Variants in BCLAF1 observed in about 807,000 individuals in gnomAD.
The protein encoded by BCLAF1 is BCL2 associated transcription factor 1, also known as bcl-2-associated transcription factor 1.
Under a neutral mutation model 99.5 loss-of-function variants are expected in BCLAF1, and 10 were observed. The observed-to-expected ratio is 0.10, with a 90% confidence interval of 0.06 to 0.17. The LOEUF (loss-of-function observed/expected upper bound fraction) is 0.17. Among genes scored for constraint, BCLAF1 ranks in the 10% least tolerant of loss-of-function variants. The pLI, the probability that BCLAF1 is intolerant of heterozygous loss-of-function variation, is 1.00. For synonymous variants in BCLAF1, 255 were observed against 370.9 expected (o/e 0.69, Z 3.59); for missense variants, 636 against 1,105.8 (o/e 0.58, Z 6.02).
rs1256394894 is a variant in BCLAF1, at chr6:136,264,412, G to A, written c.2544+2617C>T. 2.6e-5 allele frequency among the ~76,000 whole-genome samples: 4 copies of A among 152,004 alleles called. No homozygotes were observed. The East Asian group carries it at 7.7e-4, about 29-fold the overall frequency. ...TGTAGAGACAGGGTTTCAACATGTT[G>A]GCCAGGCTGTTCTTGAACTCCTGAC... On this transcript the variant is annotated intron_variant, in intron 11 of 12. Coordinates refer to ENST00000531224, the MANE Select transcript of BCLAF1 (RefSeq NM_014739.3).
Position 136,261,571 on chromosome 6 carries a change from T to C in BCLAF1, c.2545-94A>G, listed in dbSNP as rs374040280. 7.9e-5 allele frequency: 103 copies of C among 1,298,914 alleles called. 1 individual carries two copies. Among genetic ancestry groups the C allele is most frequent in the East Asian group, 3.2e-4 (14 of 43,186 alleles). 80.5% of individuals were successfully genotyped at this position (1,298,914 alleles called of 1,614,324 possible). ...AATCACAGTATTAATCTTCTGAAGA[T>C]TGGGTATATGAGATTGGTAATATTC... On this transcript the variant is annotated intron_variant, in intron 11 of 12. Transcript: ENST00000531224.
Position 136,258,103 on chromosome 6 carries a change from T to C in BCLAF1, c.*3007A>G, listed in dbSNP as rs1221490324. The C allele has an allele frequency of 6.6e-6, 1 of 152,110 alleles. No individual in the cohort carries two copies. The allele number at this position is 152,110 out of a possible 1,614,324, so 9.4% of individuals were successfully genotyped here. ...GTGTCAGTTTGTCTTAGTACACAAA[T>C]TTCTGTGAAAATGCTTTGTTAAAAC... On this transcript the variant is annotated 3_prime_UTR_variant, in exon 13 of 13. Transcript: ENST00000531224.
intron 9 of BCLAF1, 32 bp from the exon 10 acceptor site, chr6:136,268,371 C>G: frequency 6.4e-7 from 1 of 1,552,990 alleles, no homozygotes; most frequent in Non-Finnish European, 8.7e-7. Context: ...AAATGTGATA[C>G]TTTTAAAAAG....
chr6:136,267,442 T>C (rs1053365705), intron 10 of BCLAF1, among the ~76,000 whole-genome samples: 9 of 151,980 alleles, frequency 5.9e-5, no homozygotes, highest in Non-Finnish European at 8.8e-5. Context: ...AATAATCAAG[T>C]TGTTTTTCCT....
At chr6:136,281,498 A>T (rs1490029088) in intron 2 of BCLAF1, among the ~76,000 whole-genome samples, 1 of 152,200 alleles carries the variant, frequency 6.6e-6, no homozygotes, top group Non-Finnish European at 1.5e-5. Context: ...TTTTTAAAAG[A>T]ATATAAATAC....
chr6:136,273,254 G>C (rs1480112574), intron 6 of BCLAF1, 67 bp from the exon 7 acceptor site: 54 of 1,345,504 alleles, frequency 4.0e-5, no homozygotes, highest in Non-Finnish European at 5.7e-5. Flanking sequence ...GTTTGTGACA[G>C]AAGGGCATGT....
Position 136,257,320 on chromosome 6 carries a change from A to C in BCLAF1, c.*3790T>G, listed in dbSNP as rs1029605318. The C allele has an allele frequency of 1.3e-5, 2 of 152,172 alleles. No individual in the cohort carries two copies. Among genetic ancestry groups the C allele is most frequent in the African/African-American group, 4.8e-5 (2 of 41,456 alleles). The allele number at this position is 152,172 out of a possible 1,614,324, so 9.4% of individuals were successfully genotyped here. On this transcript the variant is annotated 3_prime_UTR_variant, in exon 13 of 13. Transcript: ENST00000531224. ...TAATGCCTGTTCTCTTTAATCAGTG[A>C]GATTCATTTTTAAAGGCCAAGGTAT...
At chr6:136,272,811 C>T (rs1460490436) in intron 7 of BCLAF1, among the ~76,000 whole-genome samples, 2 of 151,838 alleles carry the variant, frequency 1.3e-5, no homozygotes, top group Non-Finnish European at 2.9e-5. Flanking sequence ...GCCTCCACTG[C>T]CCCTCCCAAA....
chr6:136,279,392 C>A (rs1282599657), intron 3 of BCLAF1: 5 of 154,276 alleles, frequency 3.2e-5, no homozygotes, highest in East Asian at 3.8e-4. Context: ...TGTTAGAATT[C>A]AAAGATTCAC....
chr6:136,275,419 T>A (rs1181963244), intron 6 of BCLAF1, 113 bp downstream of exon 6: 1 of 1,034,652 alleles, frequency 9.7e-7, no homozygotes, highest in East Asian at 2.8e-5. Flanking sequence ...TTTAATAATA[T>A]TGGATGTATA....
chr6:136,271,806 T>A, intron 8 of BCLAF1, 189 bp downstream of exon 8: 1 of 402,732 alleles, frequency 2.5e-6, no homozygotes, highest in Non-Finnish European at 4.5e-6. Context: ...TTGGTTTAAA[T>A]TTAAGACACT....
At chr6:136,287,320 A>G (rs1367753047) in intron 1 of BCLAF1, among the ~76,000 whole-genome samples, 1 of 152,202 alleles carries the variant, frequency 6.6e-6, no homozygotes, top group Non-Finnish European at 1.5e-5. Flanking sequence ...AAAAAAATAA[A>G]TAAATAAAAT....
At chr6:136,274,309 AAAAAAG>A (rs1267902500) in intron 6 of BCLAF1, 87 of 305,996 alleles carry the variant, frequency 2.8e-4, no homozygotes, top group Middle Eastern at 1.5e-3. Context: ...TTTAAAAAAA[AAAAAAG>A]AAAAAAGAAA....
chr6:136,262,824 T>A (rs112517420), intron 11 of BCLAF1, among the ~76,000 whole-genome samples: 1 of 152,316 alleles, frequency 6.6e-6, no homozygotes, highest in Non-Finnish European at 1.5e-5. Context: ...TGTGTTTTTT[T>A]ATGATTTTTA....
chr6:136,283,213 GTAGT>G (rs1377236198), intron 1 of BCLAF1, among the ~76,000 whole-genome samples: 3 of 142,882 alleles, frequency 2.1e-5, no homozygotes, highest in African/African-American at 7.7e-5. Flanking sequence ...AAGGTAATCT[GTAGT>G]TAATTTTCAT....
intron 1 of BCLAF1, among the ~76,000 whole-genome samples, chr6:136,288,564 G>A (rs1373010798): frequency 6.6e-6 from 1 of 152,210 alleles, no homozygotes; most frequent in Non-Finnish European, 1.5e-5. Flanking sequence ...TTTAAAAGAG[G>A]CTGTTGCAGT....
At position 136,284,195 on chromosome 6, in the gene BCLAF1, G is replaced by A. The variant is rs374361489; in HGVS notation, c.-114-1508C>T. 1.4e-3 allele frequency among the ~76,000 whole-genome samples: 198 copies of A among 142,910 alleles called. 1 individual carries two copies. The highest frequency in any genetic ancestry group is 5.1e-3 in the African/African-American group (184 of 36,256). The allele number at this position is 142,910 out of a possible 152,430, so 93.8% of individuals were successfully genotyped here. A position where few individuals can be genotyped will look rare whatever the true frequency, so the allele number is the denominator to read the frequency against. On this transcript the variant is annotated intron_variant, in intron 1 of 12. Coordinates refer to ENST00000531224, the MANE Select transcript of BCLAF1 (RefSeq NM_014739.3). Reference sequence around the variant, plus strand: ...CCCAACTGCCAGATCTCTTTACTCCGTCATGGTATTTTGAAGTTCAAAGAA... The same window carrying A: ...CCCAACTGCCAGATCTCTTTACTCCATCATGGTATTTTGAAGTTCAAAGAA...
chr6:136,272,897 G>GT (rs1782731640), intron 7 of BCLAF1, among the ~76,000 whole-genome samples, 185 bp downstream of exon 7: 1 of 151,858 alleles, frequency 6.6e-6, no homozygotes, highest in Non-Finnish European at 1.5e-5. Flanking sequence ...CTAACAACCA[G>GT]TTTCAACTAA....
chr6:136,279,863 C>A lies in BCLAF1; in HGVS notation c.4G>T (p.Gly2Cys). 1.3e-6 allele frequency: 2 copies of A among 1,506,288 alleles called. No individual in the cohort carries two copies. The highest frequency in any genetic ancestry group is 1.4e-5 in the South Asian group (1 of 69,248). 93.3% of individuals were successfully genotyped at this position (1,506,288 alleles called of 1,614,324 possible). A position where few individuals can be genotyped will look rare whatever the true frequency, so the allele number is the denominator to read the frequency against. M[G>C]RSNSRSHSSR... ...GAATGTGATCTAGAATTGGAGCGACCCATTTCTTTTCTCCTAATCAAATGA... is the reference window on the plus strand; with the variant it reads ...GAATGTGATCTAGAATTGGAGCGACACATTTCTTTTCTCCTAATCAAATGA... Residue 2 changes from glycine to cysteine, a missense_variant, in exon 3 of 13, where the codon GGT (glycine) becomes TGT (cysteine). Physicochemically the swap from Gly to Cys is radical, Grantham distance 159. Coordinates refer to ENST00000531224, the MANE Select transcript of BCLAF1 (RefSeq NM_014739.3).
Sources: gnomAD v4.1 joint callset for allele counts (sites outside exome capture counted in the v4.1 genomes callset) on GRCh38, gnomAD v4.1.1 for gene constraint, MANE v1.5 for transcripts, NCBI Gene and HGNC (gene_info 2026-07-23, HGNC 2026-07-21) for gene names.